Variants in BLK observed in about 807,000 individuals in gnomAD.
The protein encoded by BLK is BLK proto-oncogene, Src family tyrosine kinase, also known as tyrosine-protein kinase Blk.
In BLK, 64 loss-of-function variants were observed where a neutral mutation model predicts 61.8. The observed-to-expected ratio is 1.03, with a 90% confidence interval of 0.85 to 1.27. The LOEUF (loss-of-function observed/expected upper bound fraction) is 1.27. Ranked by LOEUF, BLK falls within the 50% of genes most tolerant of loss-of-function variation. The pLI is 0.00. For missense variants in BLK, 853 were observed against 660.5 expected (o/e 1.29, Z -3.19); for synonymous variants, 351 against 272.0 (o/e 1.29, Z -2.86).
At chr8:11,527,056 A>G (rs749155188) in intron 1 of BLK, among the ~76,000 whole-genome samples, 7 of 152,064 alleles carry the variant, frequency 4.6e-5, no homozygotes, top group Non-Finnish European at 1.0e-4. Context: ...TCGTTAGAGG[A>G]CGTCCTAGTG....
chr8:11,563,114 G>T lies in BLK; in HGVS notation c.1312+4G>T, dbSNP rs1462039106. 15 of 1,613,520 alleles carry T rather than the reference G, an allele frequency of 9.3e-6. No individual in the cohort carries two copies. The highest frequency in any genetic ancestry group is 1.3e-5 in the Non-Finnish European group (15 of 1,180,018). On this transcript the variant is annotated splice_donor_region_variant and intron_variant, in intron 12 of 12. Coordinates refer to ENST00000259089, the MANE Select transcript of BLK (RefSeq NM_001715.3). ...TATGGGCGGGTGCCATACCCAGGTA[G>T]GTGGCTCACCCCGCAGCTCGCGGCT... is the stretch of plus-strand genomic sequence containing the variant.
chr8:11,548,962 G>A (rs986155341), intron 4 of BLK, 62 bp from the exon 5 acceptor site: 2 of 1,436,466 alleles, frequency 1.4e-6, no homozygotes, highest in African/African-American at 1.4e-5. Flanking sequence ...AGGCCTGAGA[G>A]CTGCCCAGTG....
rs1428630061 is a variant in BLK, at chr8:11,564,590, G to C, written c.*482G>C. ...CGGGGCTTTTCTGCAATAAAGTCAC[G>C]AGCGTTCGAGCTGTTCCGTGTCGTT... On this transcript the variant is annotated 3_prime_UTR_variant, in exon 13 of 13. Coordinates refer to ENST00000259089, the MANE Select transcript of BLK (RefSeq NM_001715.3). 2.4e-6 allele frequency: 1 copy of C among 412,708 alleles called. No individual in the cohort carries two copies. The allele number at this position is 412,708 out of a possible 1,614,324, so 25.6% of individuals were successfully genotyped here.
Position 11,550,172 on chromosome 8 carries a change from T to G in BLK, c.382T>G (p.Ser128Ala). The change falls in exon 6 of 13, where the codon TCA (serine) becomes GCA (alanine). Residue 128 changes from serine to alanine, a missense_variant. By Grantham distance (99) the Ser-to-Ala change is moderately conservative. Coordinates refer to ENST00000259089, the MANE Select transcript of BLK (RefSeq NM_001715.3). ...SLEMERWFFR[S>A]QGRKEAERQL... ...GCCGTTTTCCAGGTGGTTCTTTAGA[T>G]CACAGGGTCGGAAGGAGGCTGAGAG... 2.8e-5 allele frequency: 46 copies of G among 1,614,132 alleles called. No individual in the cohort carries two copies. Among genetic ancestry groups the G allele is most frequent in the Non-Finnish European group, 3.9e-5 (46 of 1,180,008 alleles).
At chr8:11,521,866 C>T (rs932393448) in intron 1 of BLK, among the ~76,000 whole-genome samples, 2 of 152,164 alleles carry the variant, frequency 1.3e-5, no homozygotes, top group Admixed American at 6.5e-5. Flanking sequence ...TCCTCTCTAT[C>T]TTGGTTTTTT....
chr8:11,541,773 C>G (rs1343563829), intron 1 of BLK, among the ~76,000 whole-genome samples: 1 of 152,136 alleles, frequency 6.6e-6, no homozygotes. Flanking sequence ...GCTGGGATTA[C>G]AGGTGTGAGC....
In BLK at chr8:11,543,260, A is replaced by G; in HGVS notation, c.36A>G (p.Glu12=). ...TAAGTAGCAAAAAGCCGGACAAGGA[A>G]AAGCCGATCAAAGAGAAGGACAAGG... is the stretch of plus-strand genomic sequence containing the variant. The part of the protein sequence containing the change: ...GLVSSKKPDK[E]KPIKEKDKGQ... The change falls in exon 2 of 13, where the codon GAA becomes GAG. Residue 12 remains glutamate, a synonymous_variant. Coordinates refer to ENST00000259089, the MANE Select transcript of BLK (RefSeq NM_001715.3). 1 of 1,614,044 alleles carries G rather than the reference A, an allele frequency of 6.2e-7. No homozygotes were observed. The highest frequency in any genetic ancestry group is 1.1e-5 in the South Asian group (1 of 91,070).
chr8:11,552,734 A>G (rs2117516753), intron 6 of BLK: 1 of 151,750 alleles, frequency 6.6e-6, no homozygotes, highest in African/African-American at 2.4e-5. Flanking sequence ...AAGCCTCCCC[A>G]CCCCCTGCCC....
intron 1 of BLK, among the ~76,000 whole-genome samples, chr8:11,504,267 G>A (rs1798674986): frequency 6.6e-6 from 1 of 151,784 alleles, no homozygotes; most frequent in African/African-American, 2.4e-5. Flanking sequence ...AGGTTGCAGT[G>A]AGCTGAGATC....
At chr8:11,523,525 C>G (rs538631095) in intron 1 of BLK, among the ~76,000 whole-genome samples, 19 of 152,162 alleles carry the variant, frequency 1.2e-4, no homozygotes, top group African/African-American at 4.3e-4. Context: ...TATACACCAG[C>G]CTGGATGGCA....
chr8:11,517,068 A>T (rs1436427428), intron 1 of BLK, among the ~76,000 whole-genome samples: 1 of 152,208 alleles, frequency 6.6e-6, no homozygotes, highest in African/African-American at 2.4e-5. Context: ...AAGCGATGTG[A>T]TGGGACCTAA....
Position 11,564,460 on chromosome 8 carries a change from C to A in BLK, c.*352C>A. ...ACCCCCCGTGCTGGCCGCGTCCCCG[C>A]CTCTGCGCCCTGCGTGGACCCCGCC... is the stretch of plus-strand genomic sequence containing the variant. On this transcript the variant is annotated 3_prime_UTR_variant, in exon 13 of 13. Coordinates refer to ENST00000259089, the MANE Select transcript of BLK (RefSeq NM_001715.3). 1 of 548,474 alleles carries A rather than the reference C, an allele frequency of 1.8e-6. No individual in the cohort carries two copies. The highest frequency in any genetic ancestry group is 3.5e-6 in the Non-Finnish European group (1 of 286,496). The allele number at this position is 548,474 out of a possible 1,614,324, so 34.0% of individuals were successfully genotyped here.
intron 8 of BLK, 180 bp downstream of exon 8, chr8:11,555,664 T>C (rs1801178637): frequency 2.0e-6 from 2 of 999,762 alleles, no homozygotes; most frequent in East Asian, 2.6e-5. Context: ...AGCCGCGTTG[T>C]AACAGCTGGG....
intron 1 of BLK, among the ~76,000 whole-genome samples, chr8:11,541,940 T>G (rs1176588697): frequency 6.6e-6 from 1 of 152,212 alleles, no homozygotes; most frequent in Non-Finnish European, 1.5e-5. Context: ...TAAAAAGTGT[T>G]GGTCTTTAAA....
At chr8:11,520,551 G>A (rs1799408937) in intron 1 of BLK, among the ~76,000 whole-genome samples, 1 of 147,642 alleles carries the variant, frequency 6.8e-6, no homozygotes, top group Non-Finnish European at 1.5e-5. Context: ...AAAGAAAAAA[G>A]GAAACATAAT....
intron 1 of BLK, among the ~76,000 whole-genome samples, chr8:11,538,665 G>C (rs1427093030): frequency 6.6e-6 from 1 of 152,212 alleles, no homozygotes; most frequent in Non-Finnish European, 1.5e-5. Flanking sequence ...AAAGACAAGA[G>C]GGCTGGTCAC....
chr8:11,536,587 T>C (rs1034763404), intron 1 of BLK, among the ~76,000 whole-genome samples: 7 of 152,096 alleles, frequency 4.6e-5, no homozygotes, highest in African/African-American at 1.7e-4. Context: ...TTTGTATTTG[T>C]GGTAGAGACG....
chr8:11,522,433 G>A (rs573261826), intron 1 of BLK, among the ~76,000 whole-genome samples: 22 of 152,104 alleles, frequency 1.4e-4, no homozygotes, highest in African/African-American at 2.9e-4. Flanking sequence ...GGGTTCGATC[G>A]CTTTGGGGAG....
chr8:11,498,596 C>A (rs1036450635), intron 1 of BLK, among the ~76,000 whole-genome samples: 15 of 152,170 alleles, frequency 9.9e-5, no homozygotes, highest in Admixed American at 9.8e-4. Flanking sequence ...TCTCGTCCTG[C>A]AGTGTAGTGG....
Sources: gnomAD v4.1 joint callset for allele counts (sites outside exome capture counted in the v4.1 genomes callset) on GRCh38, gnomAD v4.1.1 for gene constraint, MANE v1.5 for transcripts, NCBI Gene and HGNC (gene_info 2026-07-23, HGNC 2026-07-21) for gene names.